NSUN5: variants seen among roughly 807,000 people sequenced by gnomAD.
NSUN5 encodes the protein NOP2/Sun RNA methyltransferase 5.
A neutral mutation model predicts 51.1 loss-of-function variants in NSUN5; 39 were observed. The observed-to-expected ratio is 0.76, with a 90% CI of 0.59 to 1.00. The LOEUF is 1.00. NSUN5 is among the 50% of genes least tolerant of loss of function. NSUN5 has a pLI of 0.00. For synonymous variants in NSUN5, 266 were observed against 271.5 expected (o/e 0.98, Z 0.20); for missense variants, 526 against 614.0 (o/e 0.86, Z 1.51).
At chr7:73,307,980 G>A in intron 2 of NSUN5, 1 of 564,566 alleles carries the variant, frequency 1.8e-6, no homozygotes, top group Non-Finnish European at 3.1e-6. Context: ...CTCCACCGAT[G>A]TTCACCAGTA....
At position 73,304,218 on chromosome 7, in the gene NSUN5, T is replaced by C. The variant is rs782688158; in HGVS notation, c.934+12A>G. ...CTGCGAGTCCCTCGGCCACGCTTTC[T>C]CGCCATCTCACCCGAGCCACTGCAG... On this transcript the variant is annotated intron_variant, in intron 7 of 9. Transcript: ENST00000438747. 9 of 1,598,554 alleles carry C rather than the reference T, an allele frequency of 5.6e-6. No homozygotes were observed. The highest frequency in any genetic ancestry group is 3.5e-5 in the Admixed American group (2 of 57,806).
Position 73,308,462 on chromosome 7 carries a change from G to T in NSUN5, c.185C>A (p.Ala62Glu). The T allele has an allele frequency of 6.2e-7, 1 of 1,606,922 alleles. No individual in the cohort carries two copies. ...CAGGTGCGGCCGCAGCTTCTTCTCC[G>T]CACGGAGGAGGCCGGCGCTGGCGAT... Reference protein sequence around the residue: ...AVIASAGLLRAEKKLRPHLAK... With the variant: ...AVIASAGLLREEKKLRPHLAK... Residue 62 changes from alanine to glutamate, a missense_variant, in exon 2 of 10, where the codon GCG becomes GAG. Coordinates refer to ENST00000438747, the MANE Select transcript of NSUN5 (RefSeq NM_148956.4).
In NSUN5 at chr7:73,303,223, C is replaced by A; in HGVS notation, c.*192G>T. 6 of 1,530,566 alleles carry A rather than the reference C, an allele frequency of 3.9e-6. No individual in the cohort carries two copies. Among genetic ancestry groups the A allele is most frequent in the Non-Finnish European group, 4.4e-6 (5 of 1,140,106 alleles). The allele number at this position is 1,530,566 out of a possible 1,614,324, so 94.8% of individuals were successfully genotyped here. ...GACATTAAGAATAAAAAACTGTGAT[C>A]TATCGTAGAGTACGTTCTGCATTTT... On this transcript the variant is annotated 3_prime_UTR_variant, in exon 10 of 10. Transcript: ENST00000438747.
At chr7:73,306,750 G>A (rs1804056369) in intron 4 of NSUN5, among the ~76,000 whole-genome samples, 1 of 152,120 alleles carries the variant, frequency 6.6e-6, no homozygotes, top group South Asian at 2.1e-4. Context: ...CATTGGTGGT[G>A]GGAGCCTCTA....
rs1803897135 is a variant in NSUN5 at position 73,303,663 on chromosome 7, G to A, written c.1223C>T (p.Ser408Phe). The A allele has an allele frequency of 6.2e-7, 1 of 1,614,190 alleles. No homozygotes were observed. The highest frequency in any genetic ancestry group is 8.5e-7 in the Non-Finnish European group (1 of 1,180,044). Reference protein sequence around the residue: ...FPGAEHCLRASPETTLSSGFF... With the variant: ...FPGAEHCLRAFPETTLSSGFF... ...GCCACTGCTGAGTGTGGTCTCAGGG[G>A]AGGCCCGGAGGCAGTGCTCGGCACC... The change falls in exon 9 of 10, where the codon TCC (serine) becomes TTC (phenylalanine). Residue 408 changes from serine (S) to phenylalanine (F), a missense_variant. Physicochemically the swap from Ser to Phe is radical, Grantham distance 155. Coordinates refer to ENST00000438747, the MANE Select transcript of NSUN5 (RefSeq NM_148956.4).
At position 73,303,434 on chromosome 7, in the gene NSUN5, C is replaced by T. The variant is rs1554541020; in HGVS notation, c.1382G>A (p.Cys461Tyr). ...KRQQRAAAGA[C>Y]TPPCT ...CCTCTGCTATGTGCAAGGCGGTGTG[C>T]AAGCACCGGCTGCGGCTCTTTGCTG... Residue 461 changes from cysteine to tyrosine, a missense_variant, in exon 10 of 10, where the codon TGC becomes TAC. Physicochemically the swap from Cys to Tyr is radical, Grantham distance 194. Transcript: ENST00000438747. The T allele has an allele frequency of 1.2e-6, 2 of 1,614,198 alleles. No homozygotes were observed. Among genetic ancestry groups the T allele is most frequent in the Admixed American group, 3.3e-5 (2 of 60,022 alleles).
chr7:73,304,534 G>T, intron 6 of NSUN5, 126 bp from the exon 7 acceptor site: 1 of 1,015,974 alleles, frequency 9.8e-7, no homozygotes, highest in Non-Finnish European at 1.5e-6. Context: ...AGGGCTCACA[G>T]TCAGAGGTAA....
chr7:73,307,387 C>G lies in NSUN5; in HGVS notation c.500+7G>C. 1 of 1,605,932 alleles carries G rather than the reference C, an allele frequency of 6.2e-7. No homozygotes were observed. The highest frequency in any genetic ancestry group is 1.3e-5 in the African/African-American group (1 of 74,856). ...AGATGAGGACAGCCAGGGCTCTAAG[C>G]TCTCACCTGGAAGCCCGACCCTGAT... is the stretch of plus-strand genomic sequence containing the variant. On this transcript the variant is annotated splice_region_variant and intron_variant, in intron 4 of 9. Coordinates refer to ENST00000438747, the MANE Select transcript of NSUN5 (RefSeq NM_148956.4).
intron 4 of NSUN5, among the ~76,000 whole-genome samples, chr7:73,306,029 G>A (rs1156583019): frequency 6.6e-6 from 1 of 152,152 alleles, no homozygotes; most frequent in Non-Finnish European, 1.5e-5. Context: ...ACTGGTGCAC[G>A]CAGCACCGTG....
chr7:73,308,603 C>G (rs781783492), intron 1 of NSUN5, 50 bp from the exon 2 acceptor site: 2 of 1,586,532 alleles, frequency 1.3e-6, no homozygotes, highest in African/African-American at 2.7e-5. Flanking sequence ...CGGCCCTCCT[C>G]GCCGGGCCCC....
chr7:73,304,988 G>A lies in NSUN5; in HGVS notation c.610C>T (p.Arg204Trp), dbSNP rs531002645. 28 of 1,611,344 alleles carry A rather than the reference G, an allele frequency of 1.7e-5. No individual in the cohort carries two copies. In the South Asian group the frequency reaches 1.9e-4, roughly 11 times the overall value. The change falls in exon 5 of 10, where the codon CGG becomes TGG. Residue 204 changes from arginine to tryptophan, a missense_variant. Physicochemically the swap from Arg to Trp is moderately radical, Grantham distance 101. Coordinates refer to ENST00000438747, the MANE Select transcript of NSUN5 (RefSeq NM_148956.4). ...TCCTGCAGAATGAGGTGTCCGGCCC[G>A]GTACAGTGGGTGTTCATGCAGATCT... ...QTDLHEHPLYRAGHLILQDRA... is the reference protein window; with the variant it reads ...QTDLHEHPLYWAGHLILQDRA...
chr7:73,304,122 C>T, intron 7 of NSUN5, 86 bp from the exon 8 acceptor site: 1 of 1,571,456 alleles, frequency 6.4e-7, no homozygotes, highest in Middle Eastern at 1.7e-4. Flanking sequence ...ACTTTTGTCC[C>T]AGGGTCCCAA....
rs369982378 is a variant in NSUN5, at chr7:73,303,730, C to T, written c.1156G>A (p.Ala386Thr). The change falls in exon 9 of 10, where the codon GCC (alanine) becomes ACC (threonine). Residue 386 changes from alanine (A) to threonine (T), a missense_variant. Coordinates refer to ENST00000438747, the MANE Select transcript of NSUN5 (RefSeq NM_148956.4). ...CCTCGGTGGGGCCAGGCAGGCAGGG[C>T]GGGAGCTAGCCTGCAAGAGAAACGG... ...QNPGAFRLAP[A>T]LPAWPHRGLS... The T allele has an allele frequency of 2.2e-5, 36 of 1,613,968 alleles. No homozygotes were observed. The highest frequency in any genetic ancestry group is 1.7e-4 in the Middle Eastern group (1 of 6,060).
chr7:73,303,644 G>A lies in NSUN5; in HGVS notation c.1242C>T (p.Ser414=), dbSNP rs150043225. 1.3e-4 allele frequency: 204 copies of A among 1,614,082 alleles called. No individual in the cohort carries two copies. The highest frequency in any genetic ancestry group is 2.2e-4 in the Admixed American group (13 of 60,004). ...CLRASPETTL[S]SGFFVAVIER... The stretch of plus-strand genomic sequence containing the variant: ...CAATTACAGCAACGAAGAAGCCACT[G>A]CTGAGTGTGGTCTCAGGGGAGGCCC... Residue 414 remains serine, a synonymous_variant, in exon 9 of 10, where the codon AGC becomes AGT. Coordinates refer to ENST00000438747, the MANE Select transcript of NSUN5 (RefSeq NM_148956.4).
chr7:73,303,808 C>G lies in NSUN5; in HGVS notation c.1145+18G>C, dbSNP rs1803910645. ...ACCCCGTCCCCCACTCCCCACGACC[C>G]TGGCGCCCGCCCTGTACCTGAAGGC... On this transcript the variant is annotated intron_variant, in intron 8 of 9. Transcript: ENST00000438747. The G allele has an allele frequency of 6.2e-7, 1 of 1,613,664 alleles. No individual in the cohort carries two copies. Among genetic ancestry groups the G allele is most frequent in the Admixed American group, 1.7e-5 (1 of 59,968 alleles).
Position 73,308,413 on chromosome 7 carries a change from T to TCCCTC in NSUN5, c.216+13_216+17dup, listed in dbSNP as rs782335509. 1.1e-5 allele frequency: 17 copies of TCCCTC among 1,581,252 alleles called. No homozygotes were observed. The highest frequency in any genetic ancestry group is 5.6e-5 in the South Asian group (5 of 88,834). ...CTGACCGTCGGGGTTCACTTCCCCG[T>TCCCTC]CCCTCCCCTCCCCTCACCTTGGCCA... On this transcript the variant is annotated intron_variant, in intron 2 of 9. Transcript: ENST00000438747.
chr7:73,308,536 G>A lies in NSUN5; in HGVS notation c.111C>T (p.Tyr37=), dbSNP rs782736199. 1 of 1,601,904 alleles carries A rather than the reference G, an allele frequency of 6.2e-7. No homozygotes were observed. Among genetic ancestry groups the A allele is most frequent in the Non-Finnish European group, 8.5e-7 (1 of 1,171,554 alleles). Residue 37 remains tyrosine, a synonymous_variant, in exon 2 of 10, where the codon TAC becomes TAT. Coordinates refer to ENST00000438747, the MANE Select transcript of NSUN5 (RefSeq NM_148956.4). ...SSNFQNVKQL[Y]ALVCETQRYS... ...AGCGCTGCGTTTCGCACACCAGCGC[G>A]TACAGCTGCTTCACGTTCTGTGTGG...
chr7:73,307,969 T>C (rs1316655368), intron 2 of NSUN5: 6 of 570,166 alleles, frequency 1.1e-5, no homozygotes, highest in African/African-American at 9.4e-5. Context: ...TTAGACCCTT[T>C]CTCCACCGAT....
At chr7:73,306,880 A>C (rs1554541879) in intron 4 of NSUN5, among the ~76,000 whole-genome samples, 1 of 151,974 alleles carries the variant, frequency 6.6e-6, no homozygotes, top group Non-Finnish European at 1.5e-5. Flanking sequence ...TAAAAAAAAA[A>C]GAGAGAAAGG....
Sources: gnomAD v4.1 joint callset for allele counts (sites outside exome capture counted in the v4.1 genomes callset) on GRCh38, gnomAD v4.1.1 for gene constraint, MANE v1.5 for transcripts, NCBI Gene and HGNC (gene_info 2026-07-23, HGNC 2026-07-21) for gene names.